POLR2M: variants seen among roughly 807,000 people sequenced by gnomAD.
POLR2M encodes RNA polymerase II subunit M, also known as protein GRINL1A.
Under a neutral mutation model 34.6 loss-of-function variants are expected in POLR2M, and 30 were observed. The observed-to-expected ratio is 0.87, with a 90% CI of 0.65 to 1.18. POLR2M has a LOEUF of 1.18. Among genes scored for constraint, POLR2M ranks in the 50% most tolerant of loss-of-function variants. The pLI is 0.00. For missense variants in POLR2M, 432 were observed against 448.7 expected (o/e 0.96, Z 0.34); for synonymous variants, 150 against 166.7 (o/e 0.90, Z 0.77).
intron 1 of POLR2M, chr15:57,707,560 G>A (rs2040545011): frequency 2.2e-6 from 1 of 461,364 alleles, no homozygotes; most frequent in Admixed American, 2.3e-5. Context: ...CTTCCCACGA[G>A]ACACTTGTAA....
At chr15:57,710,305 A>G (rs1020503245) in intron 2 of POLR2M, among the ~76,000 whole-genome samples, 11 of 152,194 alleles carry the variant, frequency 7.2e-5, no homozygotes, top group African/African-American at 2.7e-4. Context: ...AATAATTGCT[A>G]TTTACTTGCA....
In POLR2M at chr15:57,711,706, T is replaced by G. The variant is rs138028417; in HGVS notation, c.759-278T>G. Among the ~76,000 whole-genome samples, 86 of 147,850 alleles carry G rather than the reference T, an allele frequency of 5.8e-4. 1 individual carries two copies. The East Asian group carries it at 0.012, about 21-fold the overall frequency. On this transcript the variant is annotated intron_variant, in intron 2 of 3. Transcript: ENST00000299638. The stretch of plus-strand genomic sequence containing the variant: ...ACTTTACATGTGTATTTCTTTCTAC[T>G]GGGCAATAAGCCCTTTTGCAAATGT...
In POLR2M at chr15:57,716,120, T is replaced by C. The variant is rs1472048363; in HGVS notation, c.*1441T>C. ...GATAAACTCTGTTAACATTTTGATG[T>C]TGTGTTTTTGCTTATTTTTCTATGC... On this transcript the variant is annotated 3_prime_UTR_variant, in exon 4 of 4. Transcript: ENST00000299638. 3 of 152,282 alleles carry C rather than the reference T, an allele frequency of 2.0e-5. No individual in the cohort carries two copies. The highest frequency in any genetic ancestry group is 4.8e-5 in the African/African-American group (2 of 41,478). 9.4% of individuals were successfully genotyped at this position (152,282 alleles called of 1,614,324 possible).
chr15:57,706,965 G>C lies in POLR2M; in HGVS notation c.113+10G>C, dbSNP rs376028082. ...GACTTTTGCGCAACGAGTAAGCTGG[G>C]GTCCCGCGGAGTCTCCGCCAGGCTC... is the stretch of plus-strand genomic sequence containing the variant. On this transcript the variant is annotated intron_variant, in intron 1 of 3. Coordinates refer to ENST00000299638, the MANE Select transcript of POLR2M (RefSeq NM_015532.5). 1.7e-4 allele frequency: 265 copies of C among 1,581,270 alleles called. 4 individuals are homozygous for C. The South Asian group carries it at 3.0e-3, about 18-fold the overall frequency.
In POLR2M at chr15:57,706,964, G is replaced by T. The variant is rs2040508610; in HGVS notation, c.113+9G>T. The T allele has an allele frequency of 1.3e-6, 2 of 1,581,308 alleles. No individual in the cohort carries two copies. The highest frequency in any genetic ancestry group is 1.7e-6 in the Non-Finnish European group (2 of 1,163,350). On this transcript the variant is annotated intron_variant, in intron 1 of 3. Transcript: ENST00000299638. ...AGACTTTTGCGCAACGAGTAAGCTGGGGTCCCGCGGAGTCTCCGCCAGGCT... is the reference window on the plus strand; with the variant it reads ...AGACTTTTGCGCAACGAGTAAGCTGTGGTCCCGCGGAGTCTCCGCCAGGCT...
rs1443832909 is a variant in POLR2M, at chr15:57,716,674, C to G, written c.*1995C>G. The G allele has an allele frequency of 6.6e-6, 1 of 152,194 alleles. No individual in the cohort carries two copies. The highest frequency in any genetic ancestry group is 2.4e-5 in the African/African-American group (1 of 41,428). The allele number at this position is 152,194 out of a possible 1,614,324, so 9.4% of individuals were successfully genotyped here. On this transcript the variant is annotated 3_prime_UTR_variant, in exon 4 of 4. Coordinates refer to ENST00000299638, the MANE Select transcript of POLR2M (RefSeq NM_015532.5). ...TATATTCATTCTTTTGAGAATTGCT[C>G]ATTCATATTTTTTCTGTTGCTTGCT...
At position 57,717,309 on chromosome 15, in the gene POLR2M, TAAAAC is replaced by T. The variant is rs1794771320; in HGVS notation, c.*2632_*2636del. The stretch of plus-strand genomic sequence containing the variant: ...GAAATATAACTTACAAATAAGTACT[TAAAAC>T]AGAGCTTAATGGGTAAAGCAACAGC... On this transcript the variant is annotated 3_prime_UTR_variant, in exon 4 of 4. Coordinates refer to ENST00000299638, the MANE Select transcript of POLR2M (RefSeq NM_015532.5). The T allele has an allele frequency of 2.0e-5, 3 of 152,202 alleles. No individual in the cohort carries two copies. The highest frequency in any genetic ancestry group is 2.1e-4 in the South Asian group (1 of 4,836). 9.4% of individuals were successfully genotyped at this position (152,202 alleles called of 1,614,324 possible).
chr15:57,713,482 C>A (rs888399699), intron 3 of POLR2M, among the ~76,000 whole-genome samples: 1 of 151,904 alleles, frequency 6.6e-6, no homozygotes, highest in Non-Finnish European at 1.5e-5. Context: ...CTTTTACTGA[C>A]CCATATTCAT....
At position 57,711,405 on chromosome 15, in the gene POLR2M, C is replaced by G. The variant is rs969307345; in HGVS notation, c.759-579C>G. ...GAGAACTCTTCATTGCAGTCTGGGC[C>G]TAGGCTACTTCCCAGCCCTCTTTCT... On this transcript the variant is annotated intron_variant, in intron 2 of 3. Coordinates refer to ENST00000299638, the MANE Select transcript of POLR2M (RefSeq NM_015532.5). Among the ~76,000 whole-genome samples the G allele has an allele frequency of 2.6e-5, 4 of 152,298 alleles. No individual in the cohort carries two copies. The South Asian group carries it at 6.2e-4, about 24-fold the overall frequency.
intron 1 of POLR2M, 116 bp from the exon 2 acceptor site, chr15:57,708,598 T>C (rs1163094002): frequency 1.1e-6 from 1 of 944,508 alleles, no homozygotes; most frequent in Non-Finnish European, 1.5e-6. Context: ...AGAAATCAGA[T>C]ATTTGACTTA....
At chr15:57,711,332 A>G (rs2040703278) in intron 2 of POLR2M, among the ~76,000 whole-genome samples, 1 of 152,068 alleles carries the variant, frequency 6.6e-6, no homozygotes, top group Non-Finnish European at 1.5e-5. Flanking sequence ...GTCTATCTCC[A>G]CTGCTGCCAG....
At chr15:57,712,717 C>A (rs762343255) in intron 3 of POLR2M, among the ~76,000 whole-genome samples, 2 of 152,208 alleles carry the variant, frequency 1.3e-5, no homozygotes, top group Non-Finnish European at 2.9e-5. Context: ...AGAGAAATAT[C>A]TCCTGCTTTT....
chr15:57,707,680 A>G (rs1271347758), intron 1 of POLR2M: 8 of 371,168 alleles, frequency 2.2e-5, no homozygotes, highest in Non-Finnish European at 3.7e-5. Context: ...ACTAGCAAAA[A>G]TAGGAAAATT....
intron 3 of POLR2M, among the ~76,000 whole-genome samples, chr15:57,713,034 T>C (rs892321288): frequency 2.0e-5 from 3 of 151,952 alleles, no homozygotes; most frequent in Admixed American, 2.0e-4. Flanking sequence ...GACTCCATCT[T>C]TACCAAAAAA....
Position 57,714,771 on chromosome 15 carries a change from G to A in POLR2M, c.*92G>A. 3 of 1,526,122 alleles carry A rather than the reference G, an allele frequency of 2.0e-6. No individual in the cohort carries two copies. The highest frequency in any genetic ancestry group is 1.3e-5 in the South Asian group (1 of 77,372). The allele number at this position is 1,526,122 out of a possible 1,614,324, so 94.5% of individuals were successfully genotyped here. On this transcript the variant is annotated 3_prime_UTR_variant, in exon 4 of 4. Coordinates refer to ENST00000299638, the MANE Select transcript of POLR2M (RefSeq NM_015532.5). Reference sequence around the variant, plus strand: ...AAGATCAGTGTCAGATATTGTTGAGGGAAGTAATTTTATAAAGTTACACAA... The same window carrying A: ...AAGATCAGTGTCAGATATTGTTGAGAGAAGTAATTTTATAAAGTTACACAA...
Position 57,706,970 on chromosome 15 carries a change from C to T in POLR2M, c.113+15C>T, listed in dbSNP as rs542005107. ...TTGCGCAACGAGTAAGCTGGGGTCCCGCGGAGTCTCCGCCAGGCTCCTTCA... is the reference window on the plus strand; with the variant it reads ...TTGCGCAACGAGTAAGCTGGGGTCCTGCGGAGTCTCCGCCAGGCTCCTTCA... On this transcript the variant is annotated intron_variant, in intron 1 of 3. Transcript: ENST00000299638. The T allele has an allele frequency of 6.4e-6, 10 of 1,574,758 alleles. No homozygotes were observed. Among genetic ancestry groups the T allele is most frequent in the African/African-American group, 4.0e-5 (3 of 74,134 alleles).
chr15:57,710,248 C>A lies in POLR2M; in HGVS notation c.758+890C>A, dbSNP rs549651711. Reference sequence around the variant, plus strand: ...AAAAACTCTGCTTATCAGTTCCTTGCCATAAATTTGTTTCTGAAATTTCAG... The same window carrying A: ...AAAAACTCTGCTTATCAGTTCCTTGACATAAATTTGTTTCTGAAATTTCAG... On this transcript the variant is annotated intron_variant, in intron 2 of 3. Transcript: ENST00000299638. Among the ~76,000 whole-genome samples, 7 of 152,180 alleles carry A rather than the reference C, an allele frequency of 4.6e-5. 1 individual carries two copies. The East Asian group carries it at 1.4e-3, about 29-fold the overall frequency.
intron 1 of POLR2M, chr15:57,707,226 C>T (rs1254179765): frequency 4.4e-6 from 6 of 1,356,886 alleles, no homozygotes; most frequent in Non-Finnish European, 3.9e-6. Context: ...TTTTATTTAC[C>T]CGGGGACTGT....
intron 2 of POLR2M, among the ~76,000 whole-genome samples, chr15:57,709,615 ATGT>A (rs1263529732): frequency 1.3e-5 from 2 of 152,192 alleles, no homozygotes; most frequent in Non-Finnish European, 2.9e-5. Context: ...AGGAAATAAC[ATGT>A]TGTGGCAACA....
Sources: gnomAD v4.1 joint callset for allele counts (sites outside exome capture counted in the v4.1 genomes callset) on GRCh38, gnomAD v4.1.1 for gene constraint, MANE v1.5 for transcripts, NCBI Gene and HGNC (gene_info 2026-07-23, HGNC 2026-07-21) for gene names.